PCDHGA3: variants seen among roughly 807,000 people sequenced by gnomAD.
PCDHGA3 encodes protocadherin gamma subfamily A, 3.
A neutral mutation model predicts 58.5 loss-of-function variants in PCDHGA3; 40 were observed. That is an observed-to-expected ratio of 0.68 (90% confidence interval 0.53 to 0.89). PCDHGA3 has a LOEUF of 0.89. PCDHGA3 is among the 40% of genes least tolerant of loss of function. The pLI is 0.00. For synonymous variants in PCDHGA3, 530 were observed against 525.7 expected, an observed-to-expected ratio of 1.01 and a Z score of -0.11; for missense variants, 1,223 against 1,195.9, an observed-to-expected ratio of 1.02 and a Z score of -0.33.
intron 1 of PCDHGA3, chr5:141,418,506 ATGG>A (rs2096264933): frequency 6.2e-7 from 1 of 1,613,860 alleles, no homozygotes; most frequent in African/African-American, 1.3e-5. Context: ...ACCGCCTTAG[ATGG>A]TGGGGACCCT....
chr5:141,491,938 C>A lies in PCDHGA3; in HGVS notation c.2425-2869C>A, dbSNP rs1207647899. Reference sequence around the variant, plus strand: ...TGTGGGCGAGGGGAGGTGGGACCGACCCCCACCCCTACACTCAAAAAAGGC... The same window carrying A: ...TGTGGGCGAGGGGAGGTGGGACCGAACCCCACCCCTACACTCAAAAAAGGC... On this transcript the variant is annotated intron_variant, in intron 1 of 3. Transcript: ENST00000253812. This position sits in a 1 kb window ranked among gnomAD's most constrained non-coding sequence, Gnocchi z 6.9. 1.7e-6 allele frequency: 2 copies of A among 1,199,072 alleles called. No homozygotes were observed. The highest frequency in any genetic ancestry group is 3.1e-5 in the Admixed American group (1 of 32,246). The allele number at this position is 1,199,072 out of a possible 1,614,324, so 74.3% of individuals were successfully genotyped here. A position where few individuals can be genotyped will look rare whatever the true frequency, so the allele number is the denominator to read the frequency against.
intron 1 of PCDHGA3, chr5:141,366,321 T>G (rs752863239): frequency 6.2e-7 from 1 of 1,613,820 alleles, no homozygotes; most frequent in Non-Finnish European, 8.5e-7. Flanking sequence ...ACCGTTGCCG[T>G]GGCCGACAGG....
intron 1 of PCDHGA3, among the ~76,000 whole-genome samples, chr5:141,447,851 C>A (rs961725006): frequency 6.6e-6 from 1 of 151,980 alleles, no homozygotes; most frequent in African/African-American, 2.4e-5. Flanking sequence ...TTTGGGAGGC[C>A]GAGGTGGGTG....
At chr5:141,380,758 T>C (rs1382076690) in intron 1 of PCDHGA3, among the ~76,000 whole-genome samples, 1 of 152,222 alleles carries the variant, frequency 6.6e-6, no homozygotes, top group Non-Finnish European at 1.5e-5. Flanking sequence ...CAAGACACTA[T>C]AAATTAATTG....
intron 1 of PCDHGA3, chr5:141,383,043 C>G: frequency 9.3e-6 from 15 of 1,613,860 alleles, no homozygotes; most frequent in Non-Finnish European, 1.3e-5. Context: ...TGGGAGACAT[C>G]GCCAAGGACC....
intron 1 of PCDHGA3, among the ~76,000 whole-genome samples, chr5:141,466,358 A>G (rs1210013683): frequency 6.6e-6 from 1 of 152,066 alleles, no homozygotes; most frequent in Admixed American, 6.5e-5. Flanking sequence ...GCTAATCTAG[A>G]TGTAATGGTT....
At chr5:141,380,721 T>C (rs1228432392) in intron 1 of PCDHGA3, among the ~76,000 whole-genome samples, 3 of 152,238 alleles carry the variant, frequency 2.0e-5, no homozygotes, top group Non-Finnish European at 4.4e-5. Flanking sequence ...TAACTAGCTC[T>C]TATTTCCTTT....
At chr5:141,398,611 A>C (rs2093677658) in intron 1 of PCDHGA3, 3 of 1,613,944 alleles carry the variant, frequency 1.9e-6, no homozygotes, top group Non-Finnish European at 2.5e-6. Flanking sequence ...AGATGCAGAT[A>C]TTGGCTTAAA....
In PCDHGA3 at chr5:141,415,516, G is replaced by T. The variant is rs199990575; in HGVS notation, c.2424+69059G>T. The T allele has an allele frequency of 1.9e-6, 3 of 1,614,220 alleles. No individual in the cohort carries two copies. In the African/African-American group the frequency reaches 4.0e-5, roughly 22 times the overall value. ...GATCTTCCCCCAGCCCAATTATGCG[G>T]ACACGCTCATCAGCCAGGAGAGCTG... On this transcript the variant is annotated intron_variant, in intron 1 of 3. Coordinates refer to ENST00000253812, the MANE Select transcript of PCDHGA3 (RefSeq NM_018916.4).
At chr5:141,394,840 G>GCA (rs2093111243) in intron 1 of PCDHGA3, 1 of 1,613,834 alleles carries the variant, frequency 6.2e-7, no homozygotes. Flanking sequence ...ACCGAGTTGG[G>GCA]CAGTCTGAAG....
rs1488506612 is a variant in PCDHGA3 at position 141,395,336 on chromosome 5, T to G, written c.2424+48879T>G. ...TTGTGAAGATAGTTGAAAATAATTTTTAAGGTGTATCACAGAGTTTTGGGT... is the reference window on the plus strand; with the variant it reads ...TTGTGAAGATAGTTGAAAATAATTTGTAAGGTGTATCACAGAGTTTTGGGT... On this transcript the variant is annotated intron_variant, in intron 1 of 3. Coordinates refer to ENST00000253812, the MANE Select transcript of PCDHGA3 (RefSeq NM_018916.4). 5 of 1,435,024 alleles carry G rather than the reference T, an allele frequency of 3.5e-6. No homozygotes were observed. In the African/African-American group the frequency reaches 4.3e-5, roughly 12 times the overall value. The allele number at this position is 1,435,024 out of a possible 1,614,324, so 88.9% of individuals were successfully genotyped here. A position where few individuals can be genotyped will look rare whatever the true frequency, so the allele number is the denominator to read the frequency against.
chr5:141,371,255 A>G lies in PCDHGA3; in HGVS notation c.2424+24798A>G, dbSNP rs1442083388. The G allele has an allele frequency of 1.9e-6, 3 of 1,614,036 alleles. 1 individual carries two copies. The South Asian group carries it at 3.3e-5, about 18-fold the overall frequency. On this transcript the variant is annotated intron_variant, in intron 1 of 3. Transcript: ENST00000253812. ...ATGCCTTCATCAATATTGGCAAGGA[A>G]GTGAGACAACTGTTCAAGCTGGACA...
chr5:141,347,706 A>G (rs1466446378), intron 1 of PCDHGA3, among the ~76,000 whole-genome samples: 1 of 151,960 alleles, frequency 6.6e-6, no homozygotes, highest in Non-Finnish European at 1.5e-5. Context: ...AGAATTGCTT[A>G]AACCCAGGAG....
chr5:141,374,787 T>C, intron 1 of PCDHGA3: 1 of 1,613,904 alleles, frequency 6.2e-7, no homozygotes, highest in Non-Finnish European at 8.5e-7. Flanking sequence ...GTTCTAGATG[T>C]GAATGACAAC....
intron 1 of PCDHGA3, chr5:141,382,935 A>C: frequency 6.3e-7 from 1 of 1,589,148 alleles, no homozygotes; most frequent in Non-Finnish European, 8.6e-7. Flanking sequence ...ACTACAGAGG[A>C]TTCTTCCTGC....
At chr5:141,427,861 T>G (rs776215800) in intron 1 of PCDHGA3, 2 of 1,556,958 alleles carry the variant, frequency 1.3e-6, no homozygotes, top group Admixed American at 1.7e-5. Flanking sequence ...CTGTGCGCCT[T>G]CGAGCTCACG....
chr5:141,471,926 G>A (rs2099266798), intron 1 of PCDHGA3, among the ~76,000 whole-genome samples: 2 of 152,110 alleles, frequency 1.3e-5, no homozygotes. Flanking sequence ...AATTTTGGGG[G>A]TGATGAGAGT....
At chr5:141,404,841 G>C (rs765291212) in intron 1 of PCDHGA3, 4 of 1,613,886 alleles carry the variant, frequency 2.5e-6, no homozygotes, top group African/African-American at 1.3e-5. Context: ...CGCACAGCTC[G>C]GGCCCTGCTA....
At chr5:141,415,401 G>A (rs1408496357) in intron 1 of PCDHGA3, 9 of 1,614,088 alleles carry the variant, frequency 5.6e-6, no homozygotes, top group East Asian at 2.2e-5. Context: ...TGTCCGGCTC[G>A]CACTTTGTGG....
Sources: gnomAD v4.1 joint callset for allele counts (sites outside exome capture counted in the v4.1 genomes callset) on GRCh38, gnomAD v4.1.1 for gene constraint, Gnocchi (gnomAD v3.1) non-coding constraint, MANE v1.5 for transcripts, NCBI Gene and HGNC (gene_info 2026-07-23, HGNC 2026-07-21) for gene names.